The following DCC variants were observed in gnomAD, a reference collection of about 807,000 sequenced individuals.
The protein encoded by DCC is DCC netrin 1 receptor.
DCC carries 58 observed loss-of-function variants against 172.5 expected under a neutral mutation model. The ratio of observed to expected loss-of-function variants is 0.34; its 90% CI spans 0.27 to 0.42. The LOEUF (loss-of-function observed/expected upper bound fraction) is 0.42. DCC is among the 10% of genes least tolerant of loss of function. DCC has a pLI of 1.00. For missense variants in DCC, 1,740 were observed against 1,791.0 expected, an observed-to-expected ratio of 0.97 and a Z score of 0.51; for synonymous variants, 709 against 644.5, an observed-to-expected ratio of 1.10 and a Z score of -1.52.
chr18:53,504,045 CAAG>C (rs942111018), intron 27 of DCC, among the ~76,000 whole-genome samples: 2 of 152,088 alleles, frequency 1.3e-5, no homozygotes, highest in African/African-American at 2.4e-5. Context: ...GGACTGAAGA[CAAG>C]GAGGGGGTGG....
At chr18:52,977,902 A>AAAAAAG (rs1473434080) in intron 5 of DCC, among the ~76,000 whole-genome samples, 1 of 143,896 alleles carries the variant, frequency 6.9e-6, no homozygotes, top group African/African-American at 2.5e-5. Flanking sequence ...AAAAGAAAAG[A>AAAAAAG]AAAAAGAAAA....
chr18:53,442,640 G>A (rs566907194), intron 22 of DCC, among the ~76,000 whole-genome samples: 89 of 152,312 alleles, frequency 5.8e-4, no homozygotes, highest in African/African-American at 2.0e-3. Flanking sequence ...TCAAAAGCTG[G>A]AAATGATTAG....
At chr18:52,875,725 G>C (rs377068791) in intron 2 of DCC, among the ~76,000 whole-genome samples, 2 of 152,156 alleles carry the variant, frequency 1.3e-5, no homozygotes, top group Admixed American at 6.5e-5. Context: ...TTGCAGTTCT[G>C]TTGTCACTGC....
chr18:52,967,682 A>G (rs558215560), intron 5 of DCC, among the ~76,000 whole-genome samples: 10 of 151,966 alleles, frequency 6.6e-5, no homozygotes, highest in Non-Finnish European at 1.3e-4. Flanking sequence ...TCCTCTTCTG[A>G]TATATTAGAT....
At chr18:53,225,385 C>T (rs1287536538) in intron 12 of DCC, among the ~76,000 whole-genome samples, 2 of 152,012 alleles carry the variant, frequency 1.3e-5, no homozygotes, top group Non-Finnish European at 2.9e-5. Context: ...AGAAATAAAG[C>T]AGTAAAAGAG....
At chr18:52,914,306 A>G (rs561651907) in intron 3 of DCC, among the ~76,000 whole-genome samples, 2 of 152,262 alleles carry the variant, frequency 1.3e-5, no homozygotes, top group African/African-American at 2.4e-5. Context: ...GGTAGAAGCC[A>G]TACGCCAGTG....
At chr18:52,528,816 A>G (rs1347526336) in intron 1 of DCC, among the ~76,000 whole-genome samples, 2 of 152,030 alleles carry the variant, frequency 1.3e-5, no homozygotes, top group African/African-American at 2.4e-5. Context: ...GCTCAACTTT[A>G]TGTTTCTGCA....
intron 2 of DCC, among the ~76,000 whole-genome samples, chr18:52,765,762 G>A (rs140787122): frequency 3.6e-4 from 55 of 152,272 alleles, no homozygotes; most frequent in East Asian, 1.5e-3. Context: ...GGGGTAACAC[G>A]GTGGTTAGGG....
At chr18:53,158,318 C>G (rs2054780059) in intron 8 of DCC, among the ~76,000 whole-genome samples, 1 of 152,126 alleles carries the variant, frequency 6.6e-6, no homozygotes, top group South Asian at 2.1e-4. Context: ...AGATTACAAT[C>G]CATTGCATTT....
intron 1 of DCC, among the ~76,000 whole-genome samples, chr18:52,684,605 A>G (rs1487727265): frequency 6.6e-6 from 1 of 152,130 alleles, no homozygotes; most frequent in Non-Finnish European, 1.5e-5. Context: ...AACATCAGTC[A>G]GTCGTGTGTT....
chr18:52,653,745 T>C (rs1323983219), intron 1 of DCC, among the ~76,000 whole-genome samples: 1 of 152,182 alleles, frequency 6.6e-6, no homozygotes, highest in Non-Finnish European at 1.5e-5. Context: ...TTGTTCCAGG[T>C]CCTTCACCTC....
chr18:52,805,850 C>T (rs550907799), intron 2 of DCC, among the ~76,000 whole-genome samples: 1 of 152,282 alleles, frequency 6.6e-6, no homozygotes, highest in South Asian at 2.1e-4. Context: ...AAGAGATAGG[C>T]AGTACCAGCT....
At chr18:53,162,445 CT>C (rs1341801275) in intron 8 of DCC, among the ~76,000 whole-genome samples, 1 of 152,114 alleles carries the variant, frequency 6.6e-6, no homozygotes, top group African/African-American at 2.4e-5. Flanking sequence ...TGGAGTAAAC[CT>C]TTTAAAAGAT....
intron 21 of DCC, among the ~76,000 whole-genome samples, chr18:53,430,899 A>C (rs1189948569): frequency 2.6e-5 from 4 of 152,108 alleles, no homozygotes; most frequent in African/African-American, 7.2e-5. Context: ...GAGATCAAGA[A>C]GACTTTTGTC....
At chr18:53,429,042 A>ATATATTTTT (rs1341397790) in intron 21 of DCC, among the ~76,000 whole-genome samples, 624 of 37,726 alleles carry the variant, frequency 0.017, 192 homozygotes, top group Non-Finnish European at 0.034. Flanking sequence ...TATATATTTT[A>ATATATTTTT]TATATAATAT....
intron 1 of DCC, among the ~76,000 whole-genome samples, chr18:52,396,626 G>A (rs1036888122): frequency 6.6e-6 from 1 of 151,936 alleles, no homozygotes; most frequent in Non-Finnish European, 1.5e-5. Context: ...CTCTCACTGG[G>A]ATTAACATTT....
intron 8 of DCC, among the ~76,000 whole-genome samples, chr18:53,168,514 A>G (rs1233877378): frequency 2.1e-5 from 3 of 142,182 alleles, no homozygotes; most frequent in East Asian, 4.5e-4. Flanking sequence ...GAGTTGAACA[A>G]TGAGAGCACA....
chr18:52,859,669 C>T (rs2039108369), intron 2 of DCC, among the ~76,000 whole-genome samples: 2 of 152,184 alleles, frequency 1.3e-5, no homozygotes, highest in Admixed American at 6.5e-5. Flanking sequence ...AGCCTGGCTC[C>T]ATCAATGCAG....
chr18:53,384,890 CA>C (rs1437389232), intron 15 of DCC, among the ~76,000 whole-genome samples: 2 of 151,416 alleles, frequency 1.3e-5, no homozygotes, highest in Admixed American at 6.6e-5. Flanking sequence ...CTGTGTCGCG[CA>C]GGATGGAGTG....
Sources: gnomAD v4.1 joint callset for allele counts (sites outside exome capture counted in the v4.1 genomes callset) on GRCh38, gnomAD v4.1.1 for gene constraint, MANE v1.5 for transcripts, NCBI Gene and HGNC (gene_info 2026-07-23, HGNC 2026-07-21) for gene names.